Variants in KCNQ1 observed in about 807,000 individuals in gnomAD.
KCNQ1 encodes potassium voltage-gated channel subfamily KQT member 1.
A neutral mutation model predicts 72.4 loss-of-function variants in KCNQ1; 49 were observed. The ratio of observed to expected loss-of-function variants is 0.68; its 90% CI spans 0.54 to 0.86. The LOEUF (loss-of-function observed/expected upper bound fraction) is 0.86. Ranked by LOEUF, KCNQ1 falls within the 40% of genes least tolerant of loss-of-function variation. The pLI is 0.00. For missense variants in KCNQ1, 790 were observed against 945.1 expected (o/e 0.84, Z 2.15); for synonymous variants, 450 against 412.6 (o/e 1.09, Z -1.10).
chr11:2,460,774 G>T (rs1456300426), intron 1 of KCNQ1, among the ~76,000 whole-genome samples: 2 of 152,222 alleles, frequency 1.3e-5, no homozygotes, highest in Non-Finnish European at 1.5e-5. Flanking sequence ...AGGGTGGTAG[G>T]TGTGTCTCCA....
intron 7 of KCNQ1, among the ~76,000 whole-genome samples, chr11:2,584,577 T>C (rs978092033): frequency 2.0e-5 from 3 of 146,358 alleles, no homozygotes; most frequent in Non-Finnish European, 4.5e-5. Context: ...GTGTTAGTGT[T>C]TGTGTGTGTT....
chr11:2,785,035 C>T lies in KCNQ1; in HGVS notation c.1794+6998C>T, dbSNP rs776875789. 1.3e-5 allele frequency among the ~76,000 whole-genome samples: 2 copies of T among 151,958 alleles called. No homozygotes were observed. The highest frequency in any genetic ancestry group is 2.9e-5 in the Non-Finnish European group (2 of 67,852). On this transcript the variant is annotated intron_variant, in intron 15 of 15. Transcript: ENST00000155840. The surrounding 1 kb of genome is among the most constrained non-coding windows in gnomAD (Gnocchi z 4.4). Reference sequence around the variant, plus strand: ...AATTTCTTTGTTTTGCCTAATTGCACTGGCTTGAACTTCAAAAAAAATATT... The same window carrying T: ...AATTTCTTTGTTTTGCCTAATTGCATTGGCTTGAACTTCAAAAAAAATATT...
chr11:2,502,538 G>A (rs1564799325), intron 1 of KCNQ1, among the ~76,000 whole-genome samples: 1 of 151,888 alleles, frequency 6.6e-6, no homozygotes, highest in Non-Finnish European at 1.5e-5. Context: ...AAATTGAAGA[G>A]GACCCAAAAA....
rs994846266 is a variant in KCNQ1, at chr11:2,783,311, C to G, written c.1794+5274C>G. On this transcript the variant is annotated intron_variant, in intron 15 of 15. Transcript: ENST00000155840. The surrounding 1 kb of genome is among the most constrained non-coding windows in gnomAD (Gnocchi z 5.2). The stretch of plus-strand genomic sequence containing the variant: ...AATGTTGCCCTCTTGTCAGAGAAAG[C>G]AATCCATATGATATTAATCCTTTAG... Among the ~76,000 whole-genome samples the G allele has an allele frequency of 6.6e-6, 1 of 152,094 alleles. No individual in the cohort carries two copies. The highest frequency in any genetic ancestry group is 1.5e-5 in the Non-Finnish European group (1 of 67,964).
Position 2,621,641 on chromosome 11 carries a change from T to A in KCNQ1, c.1393+32787T>A. 2.5e-6 allele frequency: 1 copy of A among 398,544 alleles called. No homozygotes were observed. The allele number at this position is 398,544 out of a possible 1,614,324, so 24.7% of individuals were successfully genotyped here. ...GGTTTTTTTCTAGGAATTTGTCCAT[T>A]TCCTCTAGGTTATCCAATTTGTTGG... On this transcript the variant is annotated intron_variant, in intron 10 of 15. Coordinates refer to ENST00000155840, the MANE Select transcript of KCNQ1 (RefSeq NM_000218.3). This position sits in a 1 kb window ranked among gnomAD's most constrained non-coding sequence, Gnocchi z 5.7.
Position 2,781,686 on chromosome 11 carries a change from C to T in KCNQ1, c.1794+3649C>T, listed in dbSNP as rs965047149. ...TCTCCAGGACCTGCCACACTGTTTA[C>T]GTTGGGCCCTGTTTATTTTGCAAGC... is the stretch of plus-strand genomic sequence containing the variant. On this transcript the variant is annotated intron_variant, in intron 15 of 15. Transcript: ENST00000155840. The surrounding 1 kb of genome is among the most constrained non-coding windows in gnomAD (Gnocchi z 6.6). Among the ~76,000 whole-genome samples, 1 of 152,218 alleles carries T rather than the reference C, an allele frequency of 6.6e-6. No homozygotes were observed. The highest frequency in any genetic ancestry group is 2.4e-5 in the African/African-American group (1 of 41,450).
chr11:2,521,318 G>A (rs979374836), intron 1 of KCNQ1, among the ~76,000 whole-genome samples: 4 of 152,158 alleles, frequency 2.6e-5, no homozygotes, highest in African/African-American at 9.7e-5. Context: ...CCGCTTCCCT[G>A]CGACGGTGGA....
At chr11:2,780,521 TG>T (rs1166371574) in intron 15 of KCNQ1, among the ~76,000 whole-genome samples, 1 of 152,116 alleles carries the variant, frequency 6.6e-6, no homozygotes, top group African/African-American at 2.4e-5. Flanking sequence ...CTCATCCCGC[TG>T]GTCTGGCTGC....
chr11:2,458,043 G>A lies in KCNQ1; in HGVS notation c.386+12559G>A, dbSNP rs1312867891. Among the ~76,000 whole-genome samples, 1 of 152,106 alleles carries A rather than the reference G, an allele frequency of 6.6e-6. No individual in the cohort carries two copies. Among genetic ancestry groups the A allele is most frequent in the African/African-American group, 2.4e-5 (1 of 41,428 alleles). ...CTGAAAGAAACCAGGGCCCCTGGCG[G>A]ATTCCAGGTCTGTGGCAGAAGATGT... On this transcript the variant is annotated intron_variant, in intron 1 of 15. Transcript: ENST00000155840. This position sits in a 1 kb window ranked among gnomAD's most constrained non-coding sequence, Gnocchi z 4.6.
rs74565893 is a variant in KCNQ1, at chr11:2,764,865, C to T, written c.1515-3979C>T. 0.089 allele frequency among the ~76,000 whole-genome samples: 13,525 copies of T among 152,180 alleles called. 1,255 individuals carry two copies. Among genetic ancestry groups the T allele is most frequent in the East Asian group, 0.36 (1,844 of 5,180 alleles). On this transcript the variant is annotated intron_variant, in intron 11 of 15. Transcript: ENST00000155840. The surrounding 1 kb of genome is among the most constrained non-coding windows in gnomAD (Gnocchi z 4.8). ...ACATTCCATCTTTAACTCCTGATGG[C>T]GGTCATTTGTGTCCCCTCCCCCATC...
intron 12 of KCNQ1, among the ~76,000 whole-genome samples, chr11:2,773,897 G>A (rs543354122): frequency 5.9e-5 from 9 of 151,336 alleles, no homozygotes; most frequent in South Asian, 2.1e-4. Context: ...CAGAAGGGGA[G>A]GATTGAGGCT....
At chr11:2,709,702 T>C (rs935791085) in intron 11 of KCNQ1, among the ~76,000 whole-genome samples, 1 of 152,176 alleles carries the variant, frequency 6.6e-6, no homozygotes, top group African/African-American at 2.4e-5. Context: ...CGGGTTTGCC[T>C]GTTCTGAACA....
chr11:2,630,545 G>C (rs1214257582), intron 10 of KCNQ1: 3 of 398,000 alleles, frequency 7.5e-6, no homozygotes, highest in Non-Finnish European at 1.3e-5. Context: ...TATCCATTGA[G>C]AAATTATGAA....
chr11:2,756,852 C>T lies in KCNQ1; in HGVS notation c.1515-11992C>T, dbSNP rs922010546. Among the ~76,000 whole-genome samples the T allele has an allele frequency of 5.4e-5, 8 of 148,526 alleles. No homozygotes were observed. In the South Asian group the frequency reaches 8.5e-4, roughly 16 times the overall value. ...TATAAGAAAATTATATTAGCACAAC[C>T]GGGAGAGATTTATTCTAGGTAATGC... On this transcript the variant is annotated intron_variant, in intron 11 of 15. Coordinates refer to ENST00000155840, the MANE Select transcript of KCNQ1 (RefSeq NM_000218.3).
rs868782212 is a variant in KCNQ1 at position 2,712,203 on chromosome 11, A to G, written c.1514+50122A>G. 6.6e-6 allele frequency among the ~76,000 whole-genome samples: 1 copy of G among 151,860 alleles called. No individual in the cohort carries two copies. The highest frequency in any genetic ancestry group is 1.5e-5 in the Non-Finnish European group (1 of 67,956). On this transcript the variant is annotated intron_variant, in intron 11 of 15. Transcript: ENST00000155840. This position sits in a 1 kb window ranked among gnomAD's most constrained non-coding sequence, Gnocchi z 6.4. ...ACACTTGCCGGCTCTCTATTCATCCACACCCCCTGCATTTATTGAGTGCCT... is the reference window on the plus strand; with the variant it reads ...ACACTTGCCGGCTCTCTATTCATCCGCACCCCCTGCATTTATTGAGTGCCT...
At chr11:2,845,025 G>C (rs527568851) in intron 15 of KCNQ1, among the ~76,000 whole-genome samples, 1 of 152,252 alleles carries the variant, frequency 6.6e-6, no homozygotes, top group East Asian at 1.9e-4. Context: ...CTACGCTCTC[G>C]TAGGTCTCTG....
intron 11 of KCNQ1, among the ~76,000 whole-genome samples, chr11:2,757,251 A>C (rs762000287): frequency 5.9e-5 from 9 of 152,350 alleles, no homozygotes; most frequent in South Asian, 2.1e-4. Flanking sequence ...GGAGTTCAGC[A>C]CACAAAAATC....
rs542842296 is a variant in KCNQ1, at chr11:2,471,871, G to GGT, written c.386+26395_386+26396dup. Among the ~76,000 whole-genome samples, 3 of 150,768 alleles carry GGT rather than the reference G, an allele frequency of 2.0e-5. No individual in the cohort carries two copies. ...GTATAGGTGTGTGTGTTTATGTATGGGTGTGTGTGCACATGTGTATAGGTG... is the reference window on the plus strand; with the variant it reads ...GTATAGGTGTGTGTGTTTATGTATGGGTGTGTGTGTGCACATGTGTATAGGTG... On this transcript the variant is annotated intron_variant, in intron 1 of 15. Coordinates refer to ENST00000155840, the MANE Select transcript of KCNQ1 (RefSeq NM_000218.3). This position sits in a 1 kb window ranked among gnomAD's most constrained non-coding sequence, Gnocchi z 4.8.
At position 2,479,093 on chromosome 11, in the gene KCNQ1, A is replaced by T. The variant is rs913769782; in HGVS notation, c.386+33609A>T. Among the ~76,000 whole-genome samples, 1 of 152,230 alleles carries T rather than the reference A, an allele frequency of 6.6e-6. No individual in the cohort carries two copies. The highest frequency in any genetic ancestry group is 1.5e-5 in the Non-Finnish European group (1 of 68,040). On this transcript the variant is annotated intron_variant, in intron 1 of 15. Transcript: ENST00000155840. The surrounding 1 kb of genome is among the most constrained non-coding windows in gnomAD (Gnocchi z 4.6). Reference sequence around the variant, plus strand: ...GAGGTGGGTTCCCATAGTCTTGAGCAGCTCTGCCCCTCTGGCTTTGCAGGG... The same window carrying T: ...GAGGTGGGTTCCCATAGTCTTGAGCTGCTCTGCCCCTCTGGCTTTGCAGGG...
Sources: gnomAD v4.1 joint callset for allele counts (sites outside exome capture counted in the v4.1 genomes callset) on GRCh38, gnomAD v4.1.1 for gene constraint, Gnocchi (gnomAD v3.1) non-coding constraint, MANE v1.5 for transcripts, NCBI Gene and HGNC (gene_info 2026-07-23, HGNC 2026-07-21) for gene names.